Variants in RBFOX1 observed in about 807,000 individuals in gnomAD.
RBFOX1 encodes RNA binding fox-1 homolog 1, also known as RNA binding protein fox-1 homolog 1.
Under a neutral mutation model 57.7 loss-of-function variants are expected in RBFOX1, and 8 were observed. The observed-to-expected ratio is 0.14, with a 90% CI of 0.08 to 0.25. RBFOX1 has a LOEUF of 0.25. RBFOX1 is among the 10% of genes least tolerant of loss of function. RBFOX1 has a pLI of 1.00. For synonymous variants in RBFOX1, 326 were observed against 222.4 expected (o/e 1.47, Z -4.15); for missense variants, 611 against 548.5 (o/e 1.11, Z -1.14).
intron 2 of RBFOX1, among the ~76,000 whole-genome samples, chr16:6,495,201 T>A (rs2095735849): frequency 1.3e-5 from 2 of 152,148 alleles, no homozygotes; most frequent in African/African-American, 4.8e-5. Context: ...TCATTGCAAC[T>A]TCTGCCTCCC....
At chr16:6,308,728 A>G (rs1055949862) in intron 1 of RBFOX1, among the ~76,000 whole-genome samples, 3 of 152,242 alleles carry the variant, frequency 2.0e-5, no homozygotes, top group Non-Finnish European at 4.4e-5. Context: ...TGCGAAAAGC[A>G]GGCTATTCGA....
intron 1 of RBFOX1, among the ~76,000 whole-genome samples, chr16:6,061,448 A>G (rs12923243): frequency 0.24 from 36,928 of 151,840 alleles, 5,467 homozygotes; most frequent in South Asian, 0.32. Context: ...TTGTATATGT[A>G]TAGTCATCAT....
chr16:6,547,888 C>T (rs569181352), intron 2 of RBFOX1, among the ~76,000 whole-genome samples: 147 of 152,122 alleles, frequency 9.7e-4, no homozygotes, highest in African/African-American at 3.1e-3. Context: ...GTGTTTCTCA[C>T]GGTTAGGATG....
At chr16:6,366,995 A>C (rs117083266) in intron 2 of RBFOX1, among the ~76,000 whole-genome samples, 117 of 152,248 alleles carry the variant, frequency 7.7e-4, no homozygotes, top group African/African-American at 2.7e-3. Flanking sequence ...TTCTTGTTGA[A>C]ATCCTTGTCT....
chr16:7,351,826 C>T (rs1025431279), intron 4 of RBFOX1, among the ~76,000 whole-genome samples: 3 of 152,166 alleles, frequency 2.0e-5, no homozygotes, highest in Non-Finnish European at 2.9e-5. Context: ...AACACACATT[C>T]TGCCTCTCAA....
At chr16:6,615,483 T>C in intron 2 of RBFOX1, among the ~76,000 whole-genome samples, 1 of 151,728 alleles carries the variant, frequency 6.6e-6, no homozygotes, top group Non-Finnish European at 1.5e-5. Context: ...GGCAGAAGAA[T>C]TGCTTGAACC....
chr16:5,269,622 G>C (rs190414413), intron 1 of RBFOX1, among the ~76,000 whole-genome samples: 128 of 152,340 alleles, frequency 8.4e-4, no homozygotes, highest in African/African-American at 2.9e-3. Context: ...ATTTCATTCA[G>C]ATGGAAATCT....
At chr16:6,856,566 A>G (rs1259497077) in intron 3 of RBFOX1, among the ~76,000 whole-genome samples, 1 of 152,150 alleles carries the variant, frequency 6.6e-6, no homozygotes, top group Non-Finnish European at 1.5e-5. Context: ...AGTGTTTCCC[A>G]TCAGGTGATA....
chr16:7,300,965 A>AT (rs1052673112), intron 4 of RBFOX1, among the ~76,000 whole-genome samples: 7 of 151,558 alleles, frequency 4.6e-5, no homozygotes, highest in Admixed American at 2.0e-4. Flanking sequence ...AATGTCTAGA[A>AT]TTTTTTTTTG....
At chr16:6,414,865 T>C (rs1596874358) in intron 2 of RBFOX1, among the ~76,000 whole-genome samples, 1 of 152,082 alleles carries the variant, frequency 6.6e-6, no homozygotes, top group Non-Finnish European at 1.5e-5. Flanking sequence ...CTAGTGGATA[T>C]AGGTCAAGGA....
intron 4 of RBFOX1, among the ~76,000 whole-genome samples, chr16:7,244,749 C>T (rs532886571): frequency 6.6e-6 from 1 of 152,150 alleles, no homozygotes; most frequent in African/African-American, 2.4e-5. Flanking sequence ...GGTATTAAAT[C>T]CAGGACCTGG....
At chr16:5,884,589 T>G (rs2151923629) in intron 4 of RBFOX1, among the ~76,000 whole-genome samples, 1 of 152,164 alleles carries the variant, frequency 6.6e-6, no homozygotes, top group Non-Finnish European at 1.5e-5. Context: ...AATGTATGAC[T>G]TTTTCCAACG....
Position 5,474,091 on chromosome 16 carries a change from G to C in RBFOX1, c.258+6837G>C, listed in dbSNP as rs930335261. The stretch of plus-strand genomic sequence containing the variant: ...ATGGACAGACAAGTGGGCAAGTCTG[G>C]CTGAATTTTCCTGAGTTTGTGACCA... On this transcript the variant is annotated intron_variant, in intron 2 of 2. Coordinates refer to the RBFOX1 transcript ENST00000585867. 3.9e-5 allele frequency among the ~76,000 whole-genome samples: 6 copies of C among 152,108 alleles called. No homozygotes were observed. In the South Asian group the frequency reaches 1.0e-3, roughly 26 times the overall value.
chr16:6,294,230 G>A (rs1317774259), intron 1 of RBFOX1, among the ~76,000 whole-genome samples: 1 of 152,108 alleles, frequency 6.6e-6, no homozygotes, highest in Admixed American at 6.6e-5. Context: ...CAGGAAAAGG[G>A]AAATGTCTAA....
chr16:6,959,101 T>C (rs2082421432), intron 3 of RBFOX1, among the ~76,000 whole-genome samples: 3 of 152,346 alleles, frequency 2.0e-5, no homozygotes, highest in South Asian at 4.1e-4. Flanking sequence ...ATTTTCTTTT[T>C]TCTATCGGCT....
At chr16:5,538,684 G>A (rs1298346447) in intron 2 of RBFOX1, among the ~76,000 whole-genome samples, 5 of 150,346 alleles carry the variant, frequency 3.3e-5, no homozygotes, top group African/African-American at 1.2e-4. Flanking sequence ...GGAGTGCAGT[G>A]GTGTGATCTC....
intron 3 of RBFOX1, among the ~76,000 whole-genome samples, chr16:5,672,259 C>G (rs1441218740): frequency 1.3e-5 from 2 of 152,132 alleles, no homozygotes; most frequent in Admixed American, 6.5e-5. Context: ...GGGCAGATGC[C>G]TACCTCTCTG....
intron 2 of RBFOX1, among the ~76,000 whole-genome samples, chr16:5,481,245 G>A (rs888710700): frequency 1.3e-5 from 2 of 152,096 alleles, no homozygotes; most frequent in African/African-American, 4.8e-5. Flanking sequence ...GCAGGACTGG[G>A]GTCTTCTCTT....
At chr16:7,011,404 C>T (rs549871078) in intron 3 of RBFOX1, among the ~76,000 whole-genome samples, 1 of 152,260 alleles carries the variant, frequency 6.6e-6, no homozygotes, top group Non-Finnish European at 1.5e-5. Context: ...ACCAGGCGGG[C>T]TGTTTGTTGC....
Sources: allele counts gnomAD v4.1 joint callset (sites outside exome capture counted in the v4.1 genomes callset), GRCh38; gene constraint gnomAD v4.1.1; transcripts MANE v1.5; gene names NCBI Gene and HGNC (gene_info 2026-07-23, HGNC 2026-07-21).